The following SYNE1 variants were observed in gnomAD, a reference collection of about 807,000 sequenced individuals.
SYNE1 encodes the protein nesprin-1.
A neutral mutation model predicts 1,111.0 loss-of-function variants in SYNE1; 616 were observed. The observed-to-expected ratio is 0.55, with a 90% CI of 0.52 to 0.59. The LOEUF (loss-of-function observed/expected upper bound fraction) is 0.59. Ranked by LOEUF, SYNE1 falls within the 20% of genes least tolerant of loss-of-function variation. The pLI is 0.00. For missense variants in SYNE1, 10,006 were observed against 10,417.0 expected, an observed-to-expected ratio of 0.96 and a Z score of 1.72; for synonymous variants, 3,855 against 3,825.8, an observed-to-expected ratio of 1.01 and a Z score of -0.28.
At chr6:152,269,960 G>A (rs1183386330) in intron 98 of SYNE1, among the ~76,000 whole-genome samples, 1 of 152,102 alleles carries the variant, frequency 6.6e-6, no homozygotes, top group Non-Finnish European at 1.5e-5. Flanking sequence ...AGGCCGGCTG[G>A]ACATCCTCTG....
intron 70 of SYNE1, among the ~76,000 whole-genome samples, chr6:152,351,614 T>A (rs1467842538): frequency 6.6e-6 from 1 of 152,192 alleles, no homozygotes; most frequent in African/African-American, 2.4e-5. Flanking sequence ...ATATGATATG[T>A]CATTTTCAAT....
intron 3 of SYNE1, among the ~76,000 whole-genome samples, chr6:152,542,873 A>G (rs528396546): frequency 2.4e-4 from 37 of 152,298 alleles, no homozygotes; most frequent in Admixed American, 1.0e-3. Context: ...ATAAAATCCA[A>G]TTCAAAATCT....
In SYNE1 at chr6:152,330,487, A is replaced by T. The variant is rs1395574348; in HGVS notation, c.14198T>A (p.Leu4733Gln). The T allele has an allele frequency of 1.2e-6, 2 of 1,614,120 alleles. No homozygotes were observed. Among genetic ancestry groups the T allele is most frequent in the Admixed American group, 3.3e-5 (2 of 60,018 alleles). Residue 4733 changes from leucine (L) to glutamine (Q), a missense_variant, in exon 78 of 146, where the codon CTG becomes CAG. By Grantham distance (113) the Leu-to-Gln change is moderately radical. Transcript: ENST00000367255. ...GCGAAAACCTTCTTTTTTCTGGTTCAGTTCATCCACCGCCTCCCCAAGGCC... is the reference window on the plus strand; with the variant it reads ...GCGAAAACCTTCTTTTTTCTGGTTCTGTTCATCCACCGCCTCCCCAAGGCC... ...VAGLGEAVDE[L>Q]NQKKEGFRST...
At position 152,413,404 on chromosome 6, in the gene SYNE1, T is replaced by C; in HGVS notation, c.6178A>G (p.Ile2060Val). The change falls in exon 42 of 146, where the codon ATA becomes GTA. Residue 2060 changes from isoleucine (I) to valine (V), a missense_variant. By Grantham distance (29) the Ile-to-Val change is conservative (BLOSUM62 3). Coordinates refer to ENST00000367255, the MANE Select transcript of SYNE1 (RefSeq NM_182961.4). ...TCCCAGGTGACCTCTAAGCGGTTTATCTCCCTGTCAACTTCAGGTGCAAAA... is the reference window on the plus strand; with the variant it reads ...TCCCAGGTGACCTCTAAGCGGTTTACCTCCCTGTCAACTTCAGGTGCAAAA... ...VAFAPEVDRE[I>V]NRLEVTWDDT... 2.5e-6 allele frequency: 4 copies of C among 1,614,160 alleles called. No individual in the cohort carries two copies. Among genetic ancestry groups the C allele is most frequent in the Non-Finnish European group, 3.4e-6 (4 of 1,180,010 alleles).
chr6:152,531,057 GGT>G (rs2099197590), intron 4 of SYNE1, among the ~76,000 whole-genome samples: 5 of 151,826 alleles, frequency 3.3e-5, no homozygotes, highest in Admixed American at 3.3e-4. Context: ...CAACTGCCTC[GGT>G]ATCACAGTGC....
intron 41 of SYNE1, 51 bp downstream of exon 41, chr6:152,416,336 G>C: frequency 1.9e-6 from 3 of 1,607,924 alleles, no homozygotes; most frequent in Non-Finnish European, 2.5e-6. Flanking sequence ...GTTAATTCCA[G>C]AACAAATACA....
intron 140 of SYNE1, among the ~76,000 whole-genome samples, chr6:152,138,556 T>TAAAA (rs777318473): frequency 7.3e-6 from 1 of 137,454 alleles, no homozygotes. Context: ...AATAAATAAA[T>TAAAA]AAAATAAAAC....
At chr6:152,575,458 C>T (rs900647926) in intron 3 of SYNE1, among the ~76,000 whole-genome samples, 11 of 152,176 alleles carry the variant, frequency 7.2e-5, no homozygotes, top group Non-Finnish European at 1.2e-4. Context: ...TCATGTCATT[C>T]TTATCCGAAC....
chr6:152,575,658 G>A (rs1239034986), intron 3 of SYNE1, among the ~76,000 whole-genome samples: 1 of 152,176 alleles, frequency 6.6e-6, no homozygotes, highest in African/African-American at 2.4e-5. Context: ...AGTCAGAACA[G>A]CCTAGATTTG....
At chr6:152,257,363 T>A (rs1423861650) in intron 101 of SYNE1, among the ~76,000 whole-genome samples, 1 of 152,066 alleles carries the variant, frequency 6.6e-6, no homozygotes, top group East Asian at 1.9e-4. Context: ...TGAAACCCCG[T>A]CTCTACTAAA....
intron 4 of SYNE1, among the ~76,000 whole-genome samples, chr6:152,535,813 A>T (rs2099232514): frequency 6.6e-6 from 1 of 152,192 alleles, no homozygotes; most frequent in East Asian, 1.9e-4. Context: ...TAACTACAAC[A>T]GTCTATGAAT....
chr6:152,252,506 C>A (rs1016374484), intron 104 of SYNE1, among the ~76,000 whole-genome samples: 13 of 152,124 alleles, frequency 8.5e-5, no homozygotes, highest in Admixed American at 6.5e-5. Flanking sequence ...TGTACATCTA[C>A]ATAACATCTA....
intron 144 of SYNE1, 48 bp from the exon 145 acceptor site, chr6:152,130,826 G>A (rs778652610): frequency 6.3e-7 from 1 of 1,590,476 alleles, no homozygotes; most frequent in Non-Finnish European, 8.6e-7. Flanking sequence ...TTCAGTCCAG[G>A]CAAATAAAGA....
rs1585760387 is a variant in SYNE1 at position 152,134,869 on chromosome 6, C to A, written c.25788+235G>T. The stretch of plus-strand genomic sequence containing the variant: ...TTGCTTGAGAACACTAAGATTTTTA[C>A]AACTGAGCAACAACTTTAGAATCAG... On this transcript the variant is annotated intron_variant, in intron 142 of 145. Transcript: ENST00000367255. 5.8e-6 allele frequency: 3 copies of A among 516,868 alleles called. No individual in the cohort carries two copies. In the East Asian group the frequency reaches 1.1e-4, roughly 19 times the overall value. The allele number at this position is 516,868 out of a possible 1,614,324, so 32.0% of individuals were successfully genotyped here.
chr6:152,378,027 G>A (rs538888292), intron 56 of SYNE1, among the ~76,000 whole-genome samples: 3 of 152,232 alleles, frequency 2.0e-5, no homozygotes, highest in Admixed American at 2.0e-4. Flanking sequence ...GGTCATCTGA[G>A]TTACACAAGG....
intron 42 of SYNE1, among the ~76,000 whole-genome samples, chr6:152,411,722 CA>C (rs376265692): frequency 0.15 from 19,761 of 136,050 alleles, 1,456 homozygotes; most frequent in East Asian, 0.41. Flanking sequence ...CACACACACA[CA>C]CACACCCCCA....
chr6:152,487,223 C>T (rs1202675512), intron 12 of SYNE1, among the ~76,000 whole-genome samples: 1 of 152,120 alleles, frequency 6.6e-6, no homozygotes, highest in African/African-American at 2.4e-5. Flanking sequence ...CCCCACAGGC[C>T]CCAGTGTGTG....
chr6:152,621,651 C>A (rs1273795679), intron 3 of SYNE1, among the ~76,000 whole-genome samples: 3 of 151,714 alleles, frequency 2.0e-5, no homozygotes, highest in Non-Finnish European at 2.9e-5. Context: ...TCACTGAAGA[C>A]CCTGAAGGCC....
At chr6:152,536,181 C>A (rs2099235472) in intron 4 of SYNE1, among the ~76,000 whole-genome samples, 1 of 151,052 alleles carries the variant, frequency 6.6e-6, no homozygotes, top group African/African-American at 2.4e-5. Flanking sequence ...GCGCCTTGTT[C>A]CTTCAGAATC....
Sources: allele counts gnomAD v4.1 joint callset (sites outside exome capture counted in the v4.1 genomes callset), GRCh38; gene constraint gnomAD v4.1.1; transcripts MANE v1.5; gene names NCBI Gene and HGNC (gene_info 2026-07-23, HGNC 2026-07-21).